Variants in GPR137B observed in about 807,000 individuals in gnomAD.
The protein encoded by GPR137B is G protein-coupled receptor 137B, also known as integral membrane protein GPR137B.
GPR137B carries 42 observed loss-of-function variants against 42.5 expected under a neutral mutation model. That is an observed-to-expected ratio of 0.99 (90% CI 0.77 to 1.28). The LOEUF (loss-of-function observed/expected upper bound fraction) is 1.28, where lower values mean the gene tolerates loss of function less well. Among genes scored for constraint, GPR137B ranks in the 50% most tolerant of loss-of-function variants. The pLI, the probability that GPR137B is intolerant of heterozygous loss-of-function variation, is 0.00. For missense variants in GPR137B, 487 were observed against 493.9 expected (o/e 0.99, Z 0.13); for synonymous variants, 218 against 209.7 (o/e 1.04, Z -0.34).
chr1:236,144,086 C>CT (rs56006687), intron 1 of GPR137B, among the ~76,000 whole-genome samples: 5,700 of 145,150 alleles, frequency 0.039, 312 homozygotes, highest in African/African-American at 0.12. Flanking sequence ...TTTTAAGTGT[C>CT]TTTTTTTTTT....
Position 236,143,000 on chromosome 1 carries a change from T to C in GPR137B, c.378T>C (p.Phe126=), listed in dbSNP as rs1571951458. The C allele has an allele frequency of 6.2e-7, 1 of 1,613,802 alleles. No homozygotes were observed. The highest frequency in any genetic ancestry group is 8.5e-7 in the Non-Finnish European group (1 of 1,179,930). Residue 126 remains phenylalanine, a synonymous_variant, in exon 1 of 7, where the codon TTT becomes TTC. Transcript: ENST00000366592. ...LLYCFPVCLQ[F]FTLTLMNLYF... is the part of the protein sequence containing the mutation. Reference sequence around the variant, plus strand: ...ACTGCTTCCCTGTGTGCCTGCAGTTTTTCACCCTCACGCTGATGAACTTGT... The same window carrying C: ...ACTGCTTCCCTGTGTGCCTGCAGTTCTTCACCCTCACGCTGATGAACTTGT...
chr1:236,183,722 T>A, intron 4 of GPR137B, 56 bp from the exon 5 acceptor site: 3 of 1,339,826 alleles, frequency 2.2e-6, no homozygotes, highest in Non-Finnish European at 3.2e-6. Flanking sequence ...AAAGAAACAA[T>A]CAAATTTATT....
chr1:236,172,687 CTTT>C (rs1016400106), intron 2 of GPR137B, among the ~76,000 whole-genome samples: 4 of 134,852 alleles, frequency 3.0e-5, no homozygotes, highest in African/African-American at 8.2e-5. Context: ...CCAGGTTTTC[CTTT>C]TTTTTTTTTT....
intron 5 of GPR137B, among the ~76,000 whole-genome samples, chr1:236,196,505 T>G (rs78007117): frequency 0.03 from 4,563 of 152,306 alleles, 87 homozygotes; most frequent in Middle Eastern, 0.065. Context: ...AGGTAGTGTT[T>G]GGTCACATGG....
At chr1:236,154,787 C>T (rs915211587) in intron 1 of GPR137B, among the ~76,000 whole-genome samples, 3 of 152,144 alleles carry the variant, frequency 2.0e-5, no homozygotes, top group Admixed American at 6.5e-5. Flanking sequence ...CGTTTGCCAG[C>T]AAGGATCAGG....
At chr1:236,169,172 C>CAGGTGCAGG (rs1662450919) in intron 2 of GPR137B, among the ~76,000 whole-genome samples, 2 of 148,702 alleles carry the variant, frequency 1.3e-5, no homozygotes, top group Non-Finnish European at 3.0e-5. Context: ...CATGCTCCCA[C>CAGGTGCAGG]TGCAGGTGCA....
intron 5 of GPR137B, among the ~76,000 whole-genome samples, chr1:236,192,784 C>T (rs561882730): frequency 3.3e-5 from 5 of 152,178 alleles, no homozygotes; most frequent in South Asian, 4.2e-4. Context: ...TGTTCCTATT[C>T]GGCCATCTAA....
chr1:236,197,232 AGTT>A (rs1184076499), intron 5 of GPR137B, among the ~76,000 whole-genome samples: 4 of 151,704 alleles, frequency 2.6e-5, no homozygotes, highest in Admixed American at 2.0e-4. Context: ...GGATGGGATT[AGTT>A]GTTTTTTTTT....
chr1:236,196,144 TTTTA>T (rs1663324886), intron 5 of GPR137B, among the ~76,000 whole-genome samples: 1 of 152,162 alleles, frequency 6.6e-6, no homozygotes, highest in Non-Finnish European at 1.5e-5. Context: ...TTATTTTTAT[TTTTA>T]TTTATTTTTG....
intron 1 of GPR137B, among the ~76,000 whole-genome samples, chr1:236,167,792 C>A (rs1038344034): frequency 6.6e-6 from 1 of 152,176 alleles, no homozygotes; most frequent in Non-Finnish European, 1.5e-5. Context: ...ATCTCCAGCA[C>A]GTGCTGTAGC....
At position 236,142,596 on chromosome 1, in the gene GPR137B, C is replaced by CG; in HGVS notation, c.-22dup. 7.8e-7 allele frequency: 1 copy of CG among 1,284,762 alleles called. No individual in the cohort carries two copies. Among genetic ancestry groups the CG allele is most frequent in the Non-Finnish European group, 9.8e-7 (1 of 1,019,104 alleles). The allele number at this position is 1,284,762 out of a possible 1,614,324, so 79.6% of individuals were successfully genotyped here. ...TGAGCGCGATGCGCGGAGACCCCCGCGGGGGCGGCGGCGGCCGTGAGCCCC... is the reference window on the plus strand; with the variant it reads ...TGAGCGCGATGCGCGGAGACCCCCGCGGGGGGCGGCGGCGGCCGTGAGCCCC... On this transcript the variant is annotated 5_prime_UTR_variant, in exon 1 of 7. An upstream open reading frame in the 5' UTR gains an earlier in-frame stop. Coordinates refer to ENST00000366592, the MANE Select transcript of GPR137B (RefSeq NM_003272.4).
At chr1:236,187,323 C>T (rs1197600653) in intron 5 of GPR137B, among the ~76,000 whole-genome samples, 3 of 152,160 alleles carry the variant, frequency 2.0e-5, no homozygotes, top group Non-Finnish European at 4.4e-5. Context: ...TGTGCAGAAG[C>T]TCTTTAATTT....
At chr1:236,157,134 A>G (rs1662054392) in intron 1 of GPR137B, among the ~76,000 whole-genome samples, 2 of 152,108 alleles carry the variant, frequency 1.3e-5, no homozygotes, top group South Asian at 4.1e-4. Flanking sequence ...TACTTGAGGC[A>G]CAGAGCAGGC....
Position 236,179,886 on chromosome 1 carries a change from C to T in GPR137B, c.695C>T (p.Ser232Phe), listed in dbSNP as rs777123792. The stretch of plus-strand genomic sequence containing the variant: ...CTGCTCCCTCTTTTCCAGGGCTCCT[C>T]CGTGTGTCAAGTGACTGCCATCGGT... ...ANIYLESKGS[S>F]VCQVTAIGVT... The change falls in exon 4 of 7, where the codon TCC (serine) becomes TTC (phenylalanine). Residue 232 changes from serine (S) to phenylalanine (F), a missense_variant. Coordinates refer to ENST00000366592, the MANE Select transcript of GPR137B (RefSeq NM_003272.4). The T allele has an allele frequency of 6.3e-6, 10 of 1,581,690 alleles. No individual in the cohort carries two copies. The highest frequency in any genetic ancestry group is 4.3e-6 in the Non-Finnish European group (5 of 1,164,186).
At chr1:236,169,204 GCAGGTGCAGGTACAGGTACAGGTA>G (rs1370270784) in intron 2 of GPR137B, among the ~76,000 whole-genome samples, 18 of 138,980 alleles carry the variant, frequency 1.3e-4, no homozygotes, top group African/African-American at 3.7e-4. Context: ...AGGTGCAGGT[GCAGGTGCAGGTACAGGTACAGGTA>G]CAGGTGCAGG....
At chr1:236,159,968 C>T (rs114170759) in intron 1 of GPR137B, among the ~76,000 whole-genome samples, 43 of 152,302 alleles carry the variant, frequency 2.8e-4, no homozygotes, top group African/African-American at 1.0e-3. Flanking sequence ...ATCTCCCAGC[C>T]GTGGCTCAGC....
intron 5 of GPR137B, among the ~76,000 whole-genome samples, chr1:236,203,347 G>A (rs1463708384): frequency 2.0e-5 from 3 of 152,180 alleles, no homozygotes; most frequent in Non-Finnish European, 2.9e-5. Flanking sequence ...AAAGTGCTGG[G>A]ATTACAGGTG....
intron 2 of GPR137B, among the ~76,000 whole-genome samples, chr1:236,173,801 GCCTCCTTTGAAAAC>G (rs1662613796): frequency 6.6e-6 from 1 of 152,010 alleles, no homozygotes; most frequent in South Asian, 2.1e-4. Context: ...GTTTATTCTG[GCCTCCTTTGAAAAC>G]TCTCTCGCCA....
chr1:236,162,374 G>A lies in GPR137B; in HGVS notation c.415-6332G>A, dbSNP rs572898490. On this transcript the variant is annotated intron_variant, in intron 1 of 6. Coordinates refer to ENST00000366592, the MANE Select transcript of GPR137B (RefSeq NM_003272.4). ...CAGAACATAAAAATTCAGAAAATTT[G>A]CAGCCTGACTATACAATAGAAAGGA... Among the ~76,000 whole-genome samples the A allele has an allele frequency of 6.2e-4, 94 of 152,296 alleles. 2 individuals are homozygous for A. In the South Asian group the frequency reaches 6.8e-3, roughly 11 times the overall value.
Sources: allele counts gnomAD v4.1 joint callset (sites outside exome capture counted in the v4.1 genomes callset), GRCh38; gene constraint gnomAD v4.1.1; transcripts MANE v1.5; gene names NCBI Gene and HGNC (gene_info 2026-07-23, HGNC 2026-07-21).